Variants in KCNK9 observed in about 807,000 individuals in gnomAD.
KCNK9 encodes the protein potassium two pore domain channel subfamily K member 9.
Under a neutral mutation model 10.8 loss-of-function variants are expected in KCNK9, and 1 was observed. The ratio of observed to expected loss-of-function variants is 0.09; its 90% CI spans 0.03 to 0.44. The LOEUF is 0.44. Among genes scored for constraint, KCNK9 ranks in the 20% least tolerant of loss-of-function variants. The probability of loss-of-function intolerance (pLI) is 0.97; values close to 1 mark genes in which losing one functional copy is unlikely to be tolerated. For missense variants in KCNK9, 303 were observed against 515.0 expected, an observed-to-expected ratio of 0.59 and a Z score of 3.98; for synonymous variants, 231 against 222.7, an observed-to-expected ratio of 1.04 and a Z score of -0.33.
In KCNK9 at chr8:139,666,599, C is replaced by T. The variant is rs538592514; in HGVS notation, c.283+36111G>A. Among the ~76,000 whole-genome samples, 9 of 152,348 alleles carry T rather than the reference C, an allele frequency of 5.9e-5. No individual in the cohort carries two copies. The South Asian group carries it at 6.2e-4, about 11-fold the overall frequency. On this transcript the variant is annotated intron_variant, in intron 1 of 1. Transcript: ENST00000520439. ...CTAGGCTCAGCTCTGCACTTGCAGC[C>T]GCCACAACATTGCTGAGGCCAGGCT...
At chr8:139,685,851 T>C (rs912513967) in intron 1 of KCNK9, among the ~76,000 whole-genome samples, 1 of 152,176 alleles carries the variant, frequency 6.6e-6, no homozygotes, top group Non-Finnish European at 1.5e-5. Context: ...CCTTGAGGGA[T>C]CGCCATACTG....
rs554540563 is a variant in KCNK9, at chr8:139,674,838, C to G, written c.283+27872G>C. Among the ~76,000 whole-genome samples, 16 of 152,318 alleles carry G rather than the reference C, an allele frequency of 1.1e-4. No individual in the cohort carries two copies. In the East Asian group the frequency reaches 2.1e-3, roughly 20 times the overall value. On this transcript the variant is annotated intron_variant, in intron 1 of 1. Transcript: ENST00000520439. ...CTGCGAGGCCCACACCCAGCAAGCA[C>G]TTCCCTGAAAGCCACACCTAGAGGC...
At position 139,693,160 on chromosome 8, in the gene KCNK9, G is replaced by A. The variant is rs115598033; in HGVS notation, c.283+9550C>T. Among the ~76,000 whole-genome samples, 169 of 152,216 alleles carry A rather than the reference G, an allele frequency of 1.1e-3. No individual in the cohort carries two copies. The highest frequency in any genetic ancestry group is 3.8e-3 in the African/African-American group (158 of 41,540). On this transcript the variant is annotated intron_variant, in intron 1 of 1. Transcript: ENST00000520439. The surrounding 1 kb of genome is among the most constrained non-coding windows in gnomAD (Gnocchi z 4.1). ...GCAGGTAAAGGCCTCTCACCTTCCT[G>A]AGTGGGCTGCACCTCACATGTCTGA...
intron 1 of KCNK9, among the ~76,000 whole-genome samples, chr8:139,637,818 G>A (rs907803510): frequency 1.4e-5 from 2 of 139,116 alleles, no homozygotes; most frequent in African/African-American, 2.8e-5. Flanking sequence ...GAAACTTCAG[G>A]AGGTGATGAA....
intron 1 of KCNK9, among the ~76,000 whole-genome samples, chr8:139,667,941 G>T (rs575726390): frequency 2.0e-5 from 3 of 151,206 alleles, no homozygotes; most frequent in African/African-American, 7.3e-5. Context: ...CTGCACATCC[G>T]CATCACTCCA....
At chr8:139,663,648 C>CGTGTTTGTGTGTGT in intron 1 of KCNK9, among the ~76,000 whole-genome samples, 1 of 137,600 alleles carries the variant, frequency 7.3e-6, no homozygotes, top group East Asian at 2.2e-4. Flanking sequence ...CGCGTGCGCA[C>CGTGTTTGTGTGTGT]GTGTGTGTGT....
At chr8:139,606,429 C>T (rs1225708741) in intron 2 of KCNK9, among the ~76,000 whole-genome samples, 1 of 152,154 alleles carries the variant, frequency 6.6e-6, no homozygotes, top group African/African-American at 2.4e-5. Context: ...AATGCACATG[C>T]ACACACATAC....
Position 139,618,387 on chromosome 8 carries a change from G to A in KCNK9, c.996C>T (p.Tyr332=), listed in dbSNP as rs1217208186. The A allele has an allele frequency of 1.2e-6, 2 of 1,614,122 alleles. No individual in the cohort carries two copies. The highest frequency in any genetic ancestry group is 2.2e-5 in the East Asian group (1 of 44,866). Residue 332 remains tyrosine, a synonymous_variant, in exon 2 of 2, where the codon TAC becomes TAT. Coordinates refer to ENST00000520439, the MANE Select transcript of KCNK9 (RefSeq NM_001282534.2). This position sits in a 1 kb window ranked among gnomAD's most constrained non-coding sequence, Gnocchi z 7.9. The stretch of plus-strand genomic sequence containing the variant: ...TGCTTGGTGAGATCTCCTCGATCTT[G>A]TAAGAGATGGAGTGGAAGTAGTGGG... The part of the protein sequence containing the change: ...LAPHYFHSIS[Y]KIEEISPSTL...
At position 139,676,325 on chromosome 8, in the gene KCNK9, G is replaced by A. The variant is rs193126914; in HGVS notation, c.283+26385C>T. Among the ~76,000 whole-genome samples the A allele has an allele frequency of 5.9e-5, 9 of 152,296 alleles. No individual in the cohort carries two copies. The East Asian group carries it at 1.7e-3, about 29-fold the overall frequency. On this transcript the variant is annotated intron_variant, in intron 1 of 1. Coordinates refer to ENST00000520439, the MANE Select transcript of KCNK9 (RefSeq NM_001282534.2). ...CCCACTTCTAGCCCTTGGTCTTCTG[G>A]GCCATCATTAGCTGGCTACTTGTTG...
intron 1 of KCNK9, among the ~76,000 whole-genome samples, chr8:139,699,308 T>TAC: frequency 6.6e-6 from 1 of 152,246 alleles, no homozygotes; most frequent in African/African-American, 2.4e-5. Context: ...AGGGGTCCCT[T>TAC]ACACACCATT....
intron 1 of KCNK9, among the ~76,000 whole-genome samples, chr8:139,639,249 T>C (rs1170086582): frequency 6.6e-6 from 1 of 152,158 alleles, no homozygotes; most frequent in Non-Finnish European, 1.5e-5. Flanking sequence ...CCATTGATGC[T>C]CACCAGAATC....
intron 1 of KCNK9, among the ~76,000 whole-genome samples, chr8:139,701,820 G>C (rs1303858293): frequency 1.3e-5 from 2 of 152,216 alleles, no homozygotes; most frequent in African/African-American, 4.8e-5. Context: ...CCCAGCCTTA[G>C]AGGGGACACT....
chr8:139,678,299 G>A (rs922016782), intron 1 of KCNK9, among the ~76,000 whole-genome samples: 19 of 152,220 alleles, frequency 1.2e-4, no homozygotes, highest in Non-Finnish European at 4.4e-5. Flanking sequence ...ACACCTTGCA[G>A]GCAGCTCCCT....
chr8:139,685,690 C>T (rs1816775146), intron 1 of KCNK9, among the ~76,000 whole-genome samples: 3 of 152,150 alleles, frequency 2.0e-5, no homozygotes, highest in African/African-American at 7.2e-5. Context: ...TATTGATGGA[C>T]ATTTGGGTTG....
chr8:139,625,510 G>A (rs1390311682), intron 1 of KCNK9, among the ~76,000 whole-genome samples: 1 of 152,206 alleles, frequency 6.6e-6, no homozygotes, highest in Non-Finnish European at 1.5e-5. Flanking sequence ...CTGTGCAAGT[G>A]ACTTCCATCT....
chr8:139,665,857 G>A (rs911214372), intron 1 of KCNK9, among the ~76,000 whole-genome samples: 5 of 152,164 alleles, frequency 3.3e-5, no homozygotes, highest in Non-Finnish European at 7.3e-5. Flanking sequence ...CATCCACCCC[G>A]CTGCCAGGTG....
At chr8:139,616,257 C>A (rs1426178707), downstream of KCNK9, 1 of 152,132 alleles carries the variant, frequency 6.6e-6, no homozygotes, top group East Asian at 1.9e-4. Context: ...CCTCTGACCC[C>A]CTAGAGTCAA....
intron 1 of KCNK9, among the ~76,000 whole-genome samples, chr8:139,659,185 C>T (rs1027466691): frequency 2.0e-5 from 3 of 152,248 alleles, no homozygotes; most frequent in African/African-American, 7.2e-5. Context: ...ACGACCCTGA[C>T]TCTTGGCCGC....
At chr8:139,661,819 G>T (rs1413451281) in intron 1 of KCNK9, among the ~76,000 whole-genome samples, 8 of 152,226 alleles carry the variant, frequency 5.3e-5, no homozygotes, top group Non-Finnish European at 1.5e-5. Flanking sequence ...GGCTGCAAAG[G>T]GGACCATTTG....
Sources: gnomAD v4.1 joint callset for allele counts (sites outside exome capture counted in the v4.1 genomes callset) on GRCh38, gnomAD v4.1.1 for gene constraint, Gnocchi (gnomAD v3.1) non-coding constraint, MANE v1.5 for transcripts, NCBI Gene and HGNC (gene_info 2026-07-23, HGNC 2026-07-21) for gene names.